The following TLL2 variants were observed in gnomAD, a reference collection of about 807,000 sequenced individuals.
TLL2 encodes tolloid like 2.
Under a neutral mutation model 123.0 loss-of-function variants are expected in TLL2, and 106 were observed. That is an observed-to-expected ratio of 0.86 (90% CI 0.74 to 1.01). TLL2 has a LOEUF of 1.01. Among genes scored for constraint, TLL2 ranks in the 50% least tolerant of loss-of-function variants. The pLI, the probability that TLL2 is intolerant of heterozygous loss-of-function variation, is 0.00. For missense variants in TLL2, 1,332 were observed against 1,336.7 expected, an observed-to-expected ratio of 1.00 and a Z score of 0.06; for synonymous variants, 494 against 516.8, an observed-to-expected ratio of 0.96 and a Z score of 0.60.
In TLL2 at chr10:96,397,075, C is replaced by A. The variant is rs962277761; in HGVS notation, c.1384+111G>T. The stretch of plus-strand genomic sequence containing the variant: ...TTGCCCCCTGTGGTGGCTGCCCCCA[C>A]CCCTGTGGCTCTGGCCTGGAGTGTC... On this transcript the variant is annotated intron_variant, in intron 11 of 20. Coordinates refer to ENST00000357947, the MANE Select transcript of TLL2 (RefSeq NM_012465.4). The A allele has an allele frequency of 1.5e-5, 14 of 942,468 alleles. No individual in the cohort carries two copies. In the African/African-American group the frequency reaches 1.9e-4, roughly 13 times the overall value. The allele number at this position is 942,468 out of a possible 1,614,324, so 58.4% of individuals were successfully genotyped here. A position where few individuals can be genotyped will look rare whatever the true frequency, so the allele number is the denominator to read the frequency against.
At chr10:96,370,896 A>T (rs776856679) in intron 19 of TLL2, among the ~76,000 whole-genome samples, 3 of 152,172 alleles carry the variant, frequency 2.0e-5, no homozygotes, top group Non-Finnish European at 4.4e-5. Context: ...GGTGAGCTGC[A>T]CCTCAGGCTC....
chr10:96,422,445 A>G, intron 6 of TLL2, 104 bp downstream of exon 6: 1 of 1,314,850 alleles, frequency 7.6e-7, no homozygotes, highest in Non-Finnish European at 1.1e-6. Flanking sequence ...TTCAGCAGTT[A>G]GCATTGCTCA....
At chr10:96,474,062 A>G (rs530988313) in intron 2 of TLL2, among the ~76,000 whole-genome samples, 150 of 152,288 alleles carry the variant, frequency 9.8e-4, no homozygotes, top group African/African-American at 3.4e-3. Context: ...TCCGATTAGC[A>G]GCTTTAGGAA....
At chr10:96,423,617 CAAAT>C (rs927962434) in intron 5 of TLL2, among the ~76,000 whole-genome samples, 1 of 152,046 alleles carries the variant, frequency 6.6e-6, no homozygotes, top group Non-Finnish European at 1.5e-5. Flanking sequence ...ACAAGCAAAA[CAAAT>C]AAAAACAACA....
intron 8 of TLL2, among the ~76,000 whole-genome samples, chr10:96,412,573 A>C (rs931353224): frequency 2.0e-5 from 3 of 152,216 alleles, no homozygotes; most frequent in Admixed American, 6.5e-5. Context: ...GAACACTTCC[A>C]AACGGGCCAG....
chr10:96,486,537 C>T (rs1181018834), intron 1 of TLL2, among the ~76,000 whole-genome samples: 2 of 152,218 alleles, frequency 1.3e-5, no homozygotes, highest in Non-Finnish European at 1.5e-5. Flanking sequence ...CTATAACCAA[C>T]CATTTCTCAT....
At chr10:96,449,767 C>T (rs1846937160) in intron 2 of TLL2, among the ~76,000 whole-genome samples, 1 of 152,200 alleles carries the variant, frequency 6.6e-6, no homozygotes, top group South Asian at 2.1e-4. Flanking sequence ...CAATAAGTGA[C>T]TTAGAGTGCC....
At chr10:96,404,074 G>A (rs145752679) in intron 10 of TLL2, among the ~76,000 whole-genome samples, 2,075 of 151,842 alleles carry the variant, frequency 0.014, 20 homozygotes, top group Non-Finnish European at 0.02. Flanking sequence ...CTGAAATAAT[G>A]AAAATAATAA....
intron 3 of TLL2, among the ~76,000 whole-genome samples, chr10:96,444,267 T>A (rs1402486139): frequency 1.3e-5 from 2 of 152,224 alleles, no homozygotes; most frequent in African/African-American, 4.8e-5. Context: ...TATGTACGGA[T>A]ATATGTTCAG....
intron 2 of TLL2, among the ~76,000 whole-genome samples, chr10:96,463,503 G>C (rs1442857462): frequency 1.3e-5 from 2 of 152,202 alleles, no homozygotes; most frequent in African/African-American, 2.4e-5. Context: ...GGGTCTCCAT[G>C]TCCTCTGCTG....
intron 2 of TLL2, among the ~76,000 whole-genome samples, chr10:96,469,147 C>A: frequency 6.6e-6 from 1 of 152,232 alleles, no homozygotes; most frequent in Non-Finnish European, 1.5e-5. Context: ...CCAGCCCTGG[C>A]TCTGGGGCCA....
In TLL2 at chr10:96,373,844, C is replaced by T. The variant is rs1328216707; in HGVS notation, c.2449-35G>A. The T allele has an allele frequency of 2.5e-6, 4 of 1,598,762 alleles. No homozygotes were observed. The South Asian group carries it at 4.4e-5, about 18-fold the overall frequency. The stretch of plus-strand genomic sequence containing the variant: ...GAAGAGCAGAAAGTAAGGCAAGGGC[C>T]TGGCGTTCAGCTGGGGTGGGGGCCT... On this transcript the variant is annotated intron_variant, in intron 18 of 20. Coordinates refer to ENST00000357947, the MANE Select transcript of TLL2 (RefSeq NM_012465.4).
At chr10:96,454,607 T>C (rs1846993030) in intron 2 of TLL2, among the ~76,000 whole-genome samples, 1 of 152,216 alleles carries the variant, frequency 6.6e-6, no homozygotes, top group Admixed American at 6.5e-5. Context: ...TATCCTTGTC[T>C]ACCTGGTCCA....
At chr10:96,483,900 T>G (rs930106007) in intron 1 of TLL2, among the ~76,000 whole-genome samples, 1 of 152,230 alleles carries the variant, frequency 6.6e-6, no homozygotes, top group Non-Finnish European at 1.5e-5. Context: ...TGGAGTGCAG[T>G]GGCACGATCT....
At chr10:96,396,472 C>G (rs1013623631) in intron 11 of TLL2, among the ~76,000 whole-genome samples, 4 of 152,028 alleles carry the variant, frequency 2.6e-5, no homozygotes, top group Non-Finnish European at 5.9e-5. Flanking sequence ...ACTTATTTTA[C>G]AAAGACAAAA....
At chr10:96,420,913 A>G (rs757608323) in intron 7 of TLL2, 43 bp downstream of exon 7, 1 of 1,575,978 alleles carries the variant, frequency 6.3e-7, no homozygotes, top group African/African-American at 1.3e-5. Context: ...AGCCTGCCGC[A>G]GGCACAGTAA....
At position 96,365,679 on chromosome 10, in the gene TLL2, T is replaced by C. The variant is rs1846017861; in HGVS notation, c.*2409A>G. 6.6e-6 allele frequency: 1 copy of C among 152,232 alleles called. No individual in the cohort carries two copies. Among genetic ancestry groups the C allele is most frequent in the Non-Finnish European group, 1.5e-5 (1 of 68,044 alleles). 9.4% of individuals were successfully genotyped at this position (152,232 alleles called of 1,614,324 possible). On this transcript the variant is annotated 3_prime_UTR_variant, in exon 21 of 21. Coordinates refer to ENST00000357947, the MANE Select transcript of TLL2 (RefSeq NM_012465.4). ...GGGACTTTCTGCTGAATGGACTCTC[T>C]CTAGTGAAGCCAGCCTCTAGTTTCT...
At chr10:96,404,036 C>A (rs543363772) in intron 10 of TLL2, among the ~76,000 whole-genome samples, 56 of 152,102 alleles carry the variant, frequency 3.7e-4, no homozygotes, top group East Asian at 2.3e-3. Context: ...CTTATTATCA[C>A]CCTGCTCTCC....
chr10:96,384,487 C>T (rs1846211631), intron 16 of TLL2, 100 bp downstream of exon 16: 2 of 1,282,384 alleles, frequency 1.6e-6, no homozygotes, highest in African/African-American at 3.0e-5. Context: ...GATGCAGGAG[C>T]AAGCAAAGAG....
Sources: allele counts gnomAD v4.1 joint callset (sites outside exome capture counted in the v4.1 genomes callset), GRCh38; gene constraint gnomAD v4.1.1; transcripts MANE v1.5; gene names NCBI Gene and HGNC (gene_info 2026-07-23, HGNC 2026-07-21).